COLEC10: variants seen among roughly 807,000 people sequenced by gnomAD.
The protein encoded by COLEC10 is collectin-10.
COLEC10 carries 22 observed loss-of-function variants against 28.4 expected under a neutral mutation model. The ratio of observed to expected loss-of-function variants is 0.78; its 90% CI spans 0.55 to 1.11. The LOEUF is 1.11. Among genes scored for constraint, COLEC10 ranks in the 50% least tolerant of loss-of-function variants. COLEC10 has a pLI of 0.00. For missense variants in COLEC10, 361 were observed against 344.1 expected (o/e 1.05, Z -0.39); for synonymous variants, 125 against 116.1 (o/e 1.08, Z -0.49).
chr8:119,061,785 T>C (rs1323943488), intron 2 of COLEC10, among the ~76,000 whole-genome samples: 2 of 151,990 alleles, frequency 1.3e-5, no homozygotes, highest in Admixed American at 1.3e-4. Context: ...AGAAAAGGAA[T>C]TGTGTAATAA....
chr8:118,963,523 T>C, the COLEC10 span, among the ~76,000 whole-genome samples: 1 of 152,238 alleles, frequency 6.6e-6, no homozygotes, highest in Admixed American at 6.5e-5. Flanking sequence ...TGTCATCATC[T>C]AACGTGAAAT....
chr8:119,104,925 G>A (rs1377513037), intron 5 of COLEC10, among the ~76,000 whole-genome samples: 1 of 152,098 alleles, frequency 6.6e-6, no homozygotes, highest in Non-Finnish European at 1.5e-5. Flanking sequence ...CCTATGTAGA[G>A]GCCGCTGACA....
intron 2 of COLEC10, among the ~76,000 whole-genome samples, chr8:119,019,947 A>G (rs1002592591): frequency 4.6e-5 from 7 of 152,186 alleles, no homozygotes. Flanking sequence ...AAAGTATACA[A>G]GTTTACATTT....
At chr8:119,085,508 AG>A (rs1815456551) in intron 1 of COLEC10, among the ~76,000 whole-genome samples, 1 of 151,784 alleles carries the variant, frequency 6.6e-6, no homozygotes, top group Admixed American at 6.6e-5. Flanking sequence ...GATATATTTT[AG>A]GCAGGAGTTC....
chr8:119,041,032 A>AT (rs1373847557), intron 2 of COLEC10, among the ~76,000 whole-genome samples: 1 of 152,182 alleles, frequency 6.6e-6, no homozygotes, highest in Non-Finnish European at 1.5e-5. Context: ...ATCACAGGGG[A>AT]TTTTAGTTAG....
chr8:118,958,548 G>A, the COLEC10 span, among the ~76,000 whole-genome samples: 3 of 152,170 alleles, frequency 2.0e-5, no homozygotes, highest in Non-Finnish European at 2.9e-5. Context: ...CACGGCTGAA[G>A]CTTTCAAATT....
chr8:118,977,078 A>G, the COLEC10 span, among the ~76,000 whole-genome samples: 1 of 150,804 alleles, frequency 6.6e-6, no homozygotes, highest in Non-Finnish European at 1.5e-5. Flanking sequence ...TAGAATGGCG[A>G]TCATTCAAAA....
At chr8:119,082,653 C>T (rs1442140665) in intron 1 of COLEC10, among the ~76,000 whole-genome samples, 1 of 152,216 alleles carries the variant, frequency 6.6e-6, no homozygotes, top group African/African-American at 2.4e-5. Flanking sequence ...GGAGGTAGCA[C>T]ATGAGCTGAA....
At chr8:119,095,689 G>C (rs2465391) in intron 3 of COLEC10, among the ~76,000 whole-genome samples, 7,445 of 152,228 alleles carry the variant, frequency 0.049, 247 homozygotes, top group Non-Finnish European at 0.077. Context: ...GCAACAGAGT[G>C]AGATTCTATC....
chr8:118,959,788 G>T, the COLEC10 span, among the ~76,000 whole-genome samples: 2 of 152,186 alleles, frequency 1.3e-5, no homozygotes, highest in Non-Finnish European at 2.9e-5. Context: ...TCAGCCCCAT[G>T]CCAGACACTG....
intron 2 of COLEC10, among the ~76,000 whole-genome samples, chr8:119,017,288 G>A (rs528257470): frequency 6.6e-6 from 1 of 152,186 alleles, no homozygotes; most frequent in Non-Finnish European, 1.5e-5. Flanking sequence ...AGTTTGGAGA[G>A]TGAGTTTAGG....
Position 119,091,155 on chromosome 8 carries a change from A to T in COLEC10, c.227A>T (p.Lys76Ile). The T allele has an allele frequency of 6.2e-7, 1 of 1,612,908 alleles. No individual in the cohort carries two copies. Among genetic ancestry groups the T allele is most frequent in the Non-Finnish European group, 8.5e-7 (1 of 1,179,160 alleles). Residue 76 changes from lysine to isoleucine, a missense_variant, in exon 3 of 6, where the codon AAA (lysine) becomes ATA (isoleucine). Coordinates refer to ENST00000332843, the MANE Select transcript of COLEC10 (RefSeq NM_006438.5). ...TAACATGTTTGCTTTTCAGGAATTAAAGGAGAACTGGGTGATATGGGAGAT... is the reference window on the plus strand; with the variant it reads ...TAACATGTTTGCTTTTCAGGAATTATAGGAGAACTGGGTGATATGGGAGAT... ...KVGRMGPKGI[K>I]GELGDMGDQG...
intron 1 of COLEC10, among the ~76,000 whole-genome samples, chr8:119,077,324 C>A (rs1815263924): frequency 6.9e-6 from 1 of 143,942 alleles, no homozygotes; most frequent in African/African-American, 2.6e-5. Context: ...TGTGGCCTAG[C>A]CACACCAATG....
chr8:118,989,863 A>C, the COLEC10 span, among the ~76,000 whole-genome samples: 25 of 152,090 alleles, frequency 1.6e-4, no homozygotes, highest in Non-Finnish European at 3.2e-4. Flanking sequence ...GAAATATTTT[A>C]TTATCATGCT....
At chr8:119,023,981 G>C (rs749359304) in intron 2 of COLEC10, among the ~76,000 whole-genome samples, 1 of 152,194 alleles carries the variant, frequency 6.6e-6, no homozygotes, top group Non-Finnish European at 1.5e-5. Context: ...CTTCTAGATA[G>C]TTCCATTTGG....
the COLEC10 span, among the ~76,000 whole-genome samples, chr8:118,966,688 T>C: frequency 6.6e-6 from 1 of 152,114 alleles, no homozygotes; most frequent in Non-Finnish European, 1.5e-5. Context: ...GTTTTTTTTT[T>C]TTAAATGACT....
chr8:118,962,029 C>A, the COLEC10 span, among the ~76,000 whole-genome samples: 1 of 152,080 alleles, frequency 6.6e-6, no homozygotes, highest in Non-Finnish European at 1.5e-5. Context: ...TTTGCATGAC[C>A]TAAAAGCCAA....
At chr8:119,003,802 T>A (rs1351492315) in intron 1 of COLEC10, among the ~76,000 whole-genome samples, 1 of 152,088 alleles carries the variant, frequency 6.6e-6, no homozygotes, top group African/African-American at 2.4e-5. Context: ...TTTTTACATC[T>A]TACTACACAT....
chr8:119,034,208 CAG>C (rs1814345375), intron 2 of COLEC10, among the ~76,000 whole-genome samples: 1 of 151,852 alleles, frequency 6.6e-6, no homozygotes, highest in Admixed American at 6.6e-5. Flanking sequence ...CACATGGACA[CAG>C]GGAGGGGAAC....
Sources: allele counts gnomAD v4.1 joint callset (sites outside exome capture counted in the v4.1 genomes callset), GRCh38; gene constraint gnomAD v4.1.1; transcripts MANE v1.5; gene names NCBI Gene and HGNC (gene_info 2026-07-23, HGNC 2026-07-21).